Variants in RGS12 observed in about 807,000 individuals in gnomAD.
RGS12 encodes regulator of G protein signaling 12.
A neutral mutation model predicts 120.1 loss-of-function variants in RGS12; 66 were observed. The observed-to-expected ratio is 0.55, with a 90% CI of 0.45 to 0.67. The LOEUF (loss-of-function observed/expected upper bound fraction) is 0.67. Among genes scored for constraint, RGS12 ranks in the 30% least tolerant of loss-of-function variants. The pLI, the probability that RGS12 is intolerant of heterozygous loss-of-function variation, is 0.00. For missense variants in RGS12, 1,859 were observed against 1,957.7 expected (o/e 0.95, Z 0.95); for synonymous variants, 827 against 804.7 (o/e 1.03, Z -0.47).
At chr4:3,417,986 G>A (rs1284983194) in intron 9 of RGS12, 1 of 162,150 alleles carries the variant, frequency 6.2e-6, no homozygotes, top group African/African-American at 2.4e-5. Context: ...TTTTTCCTAG[G>A]TAGATGTCAG....
chr4:3,302,414 G>T (rs1386094208), intron 1 of RGS12, among the ~76,000 whole-genome samples: 1 of 152,254 alleles, frequency 6.6e-6, no homozygotes, highest in Non-Finnish European at 1.5e-5. Context: ...TCCCGCTCTT[G>T]TCTGAGTGTC....
Position 3,425,463 on chromosome 4 carries a change from G to C in RGS12, c.3235-1G>C, listed in dbSNP as rs959921466. ...TTATTCAGTGCTGATCTCTGCCCTA[G>C]AGTGGAGAGAAGGAGCCCCTGGACC... On this transcript the variant is annotated splice_acceptor_variant, in intron 13 of 17. Coordinates refer to ENST00000336727, the MANE Select transcript of RGS12 (RefSeq NM_001394154.1). LOFTEE classifies it high-confidence loss of function. 1 of 1,610,584 alleles carries C rather than the reference G, an allele frequency of 6.2e-7. No homozygotes were observed.
chr4:3,415,900 G>A (rs767948849), intron 6 of RGS12, 78 bp from the exon 7 acceptor site: 1 of 1,484,762 alleles, frequency 6.7e-7, no homozygotes, highest in Non-Finnish European at 9.1e-7. Context: ...TAGAGCCCGG[G>A]GGTGTCGGGC....
chr4:3,406,286 A>C (rs1206320320), intron 4 of RGS12, among the ~76,000 whole-genome samples: 1 of 152,256 alleles, frequency 6.6e-6, no homozygotes. Context: ...CCTGTGCCTC[A>C]GAAACTGGAG....
intron 17 of RGS12, among the ~76,000 whole-genome samples, chr4:3,437,181 C>T (rs985397362): frequency 7.2e-5 from 11 of 152,142 alleles, no homozygotes; most frequent in African/African-American, 2.7e-4. Context: ...GGCTGCCCTG[C>T]ACAGGAGGGC....
At chr4:3,308,861 C>T (rs985877717) in intron 1 of RGS12, among the ~76,000 whole-genome samples, 1 of 152,254 alleles carries the variant, frequency 6.6e-6, no homozygotes, top group African/African-American at 2.4e-5. Flanking sequence ...TACCTGTGCC[C>T]TCCCAGGCCC....
intron 2 of RGS12, among the ~76,000 whole-genome samples, chr4:3,321,255 C>T (rs1725166316): frequency 6.6e-6 from 1 of 152,184 alleles, no homozygotes; most frequent in African/African-American, 2.4e-5. Flanking sequence ...GGCTTAGATA[C>T]CCAGAGTAGG....
Position 3,364,601 on chromosome 4 carries a change from G to A in RGS12, c.1998+21548G>A, listed in dbSNP as rs1179863598. On this transcript the variant is annotated intron_variant, in intron 3 of 17. Transcript: ENST00000336727. ...CCAGGTGATGTGGGGAGTGCCCGAC[G>A]CTCAGAGGGAGCCAGGGCAGGTGTT... 2.0e-5 allele frequency among the ~76,000 whole-genome samples: 3 copies of A among 152,114 alleles called. No homozygotes were observed. The East Asian group carries it at 5.8e-4, about 29-fold the overall frequency.
chr4:3,415,025 C>A (rs777340150), intron 6 of RGS12, among the ~76,000 whole-genome samples, 181 bp downstream of exon 6: 1 of 79,468 alleles, frequency 1.3e-5, no homozygotes, highest in South Asian at 4.1e-4. Flanking sequence ...GTGAGAGGGG[C>A]GTGTGAGAGG....
rs1485414384 is a variant in RGS12 at position 3,420,646 on chromosome 4, C to T, written c.2766C>T (p.Ala922=). 2 of 1,613,662 alleles carry T rather than the reference C, an allele frequency of 1.2e-6. No individual in the cohort carries two copies. Among genetic ancestry groups the T allele is most frequent in the South Asian group, 2.2e-5 (2 of 91,076 alleles). Residue 922 remains alanine, a synonymous_variant, in exon 10 of 18, where the codon GCC becomes GCT. Coordinates refer to ENST00000336727, the MANE Select transcript of RGS12 (RefSeq NM_001394154.1). ...KREHGDHADD[A]LHANGGLCRR... is the part of the protein sequence containing the mutation. Reference sequence around the variant, plus strand: ...CACTGTGTTTCCCCTGTCAAGACGCCCTGCATGCCAATGGAGGCCTGTGTC... The same window carrying T: ...CACTGTGTTTCCCCTGTCAAGACGCTCTGCATGCCAATGGAGGCCTGTGTC...
At chr4:3,393,286 TG>T (rs1178296565) in intron 4 of RGS12, among the ~76,000 whole-genome samples, 6 of 152,242 alleles carry the variant, frequency 3.9e-5, no homozygotes, top group Non-Finnish European at 7.3e-5. Context: ...GTGTGAGTTC[TG>T]GCAGCTGTTC....
chr4:3,302,879 T>A (rs1207062598), intron 1 of RGS12, among the ~76,000 whole-genome samples: 1 of 151,806 alleles, frequency 6.6e-6, no homozygotes. Flanking sequence ...GCAAATGGTG[T>A]CCTCCTGCAT....
At chr4:3,287,031 A>G in the RGS12 span, among the ~76,000 whole-genome samples, 2 of 152,136 alleles carry the variant, frequency 1.3e-5, no homozygotes, top group South Asian at 4.1e-4. Context: ...CTTTGGGCAT[A>G]TATTAGGGAG....
At chr4:3,334,633 T>G (rs2108748082) in intron 2 of RGS12, among the ~76,000 whole-genome samples, 1 of 152,338 alleles carries the variant, frequency 6.6e-6, no homozygotes, top group East Asian at 1.9e-4. Context: ...ATATTTTATT[T>G]TTATCCTCCC....
chr4:3,350,535 A>T (rs1202493214), intron 3 of RGS12, among the ~76,000 whole-genome samples: 1 of 152,148 alleles, frequency 6.6e-6, no homozygotes, highest in African/African-American at 2.4e-5. Context: ...TAAAAAAATT[A>T]GGCAGGTATG....
At chr4:3,296,648 G>T (rs115936516) in intron 1 of RGS12, among the ~76,000 whole-genome samples, 1 of 152,216 alleles carries the variant, frequency 6.6e-6, no homozygotes, top group African/African-American at 2.4e-5. Context: ...CCTACAGCAG[G>T]CTCCTCACTT....
At position 3,414,062 on chromosome 4, in the gene RGS12, G is replaced by T; in HGVS notation, c.2021-10G>T. ...CAGGGGTGCAGGTGCTGTCTGTGCT[G>T]GTCCCGCAGAGTTGACGGGCGCCGA... On this transcript the variant is annotated splice_polypyrimidine_tract_variant and intron_variant, in intron 4 of 17. Coordinates refer to ENST00000336727, the MANE Select transcript of RGS12 (RefSeq NM_001394154.1). 6.5e-7 allele frequency: 1 copy of T among 1,545,504 alleles called. No individual in the cohort carries two copies. Among genetic ancestry groups the T allele is most frequent in the East Asian group, 2.3e-5 (1 of 42,852 alleles).
Position 3,342,786 on chromosome 4 carries a change from T to C in RGS12, c.1882-151T>C, listed in dbSNP as rs190464883. 1.3e-5 allele frequency: 9 copies of C among 716,422 alleles called. No individual in the cohort carries two copies. The East Asian group carries it at 2.3e-4, about 18-fold the overall frequency. 44.4% of individuals were successfully genotyped at this position (716,422 alleles called of 1,614,324 possible). Reference sequence around the variant, plus strand: ...ATGTTTTTCTTGTATAAAATATACCTAAGATTTACCCTGGGATGACTTTTA... The same window carrying C: ...ATGTTTTTCTTGTATAAAATATACCCAAGATTTACCCTGGGATGACTTTTA... On this transcript the variant is annotated intron_variant, in intron 2 of 17. Transcript: ENST00000336727.
intron 3 of RGS12, among the ~76,000 whole-genome samples, chr4:3,354,042 A>G (rs1470945926): frequency 6.6e-6 from 1 of 152,192 alleles, no homozygotes; most frequent in Non-Finnish European, 1.5e-5. Flanking sequence ...TCCTTTAATT[A>G]GTGGCTTCCA....
Sources: gnomAD v4.1 joint callset for allele counts (sites outside exome capture counted in the v4.1 genomes callset) on GRCh38, gnomAD v4.1.1 for gene constraint, MANE v1.5 for transcripts, NCBI Gene and HGNC (gene_info 2026-07-23, HGNC 2026-07-21) for gene names.